The following DPYD variants were observed in gnomAD, a reference collection of about 807,000 sequenced individuals.
DPYD encodes dihydropyrimidine dehydrogenase, also known as dihydropyrimidine dehydrogenase [NADP(+)].
In DPYD, 109 loss-of-function variants were observed where a neutral mutation model predicts 116.2. That is an observed-to-expected ratio of 0.94 (90% confidence interval 0.80 to 1.10). DPYD has a LOEUF of 1.10. DPYD is among the 50% of genes least tolerant of loss of function. DPYD has a pLI of 0.00. For synonymous variants in DPYD, 440 were observed against 432.0 expected (o/e 1.02, Z -0.23); for missense variants, 1,302 against 1,254.5 (o/e 1.04, Z -0.57).
At chr1:97,881,288 A>C (rs1011975623) in intron 2 of DPYD, among the ~76,000 whole-genome samples, 2 of 151,872 alleles carry the variant, frequency 1.3e-5, no homozygotes, top group African/African-American at 4.8e-5. Context: ...AAAGTGAAAA[A>C]CTCAGGGAGA....
chr1:97,887,646 CA>C (rs1672574059), intron 1 of DPYD, among the ~76,000 whole-genome samples: 1 of 151,588 alleles, frequency 6.6e-6, no homozygotes, highest in East Asian at 2.0e-4. Flanking sequence ...TACAGACACA[CA>C]AAAAAAGGAG....
chr1:97,483,572 T>C (rs1014928567), intron 13 of DPYD, among the ~76,000 whole-genome samples: 5 of 152,082 alleles, frequency 3.3e-5, no homozygotes, highest in Non-Finnish European at 7.4e-5. Context: ...GATGGGTTGT[T>C]AGGTGCAGCA....
At chr1:97,089,697 C>CCATGCTAT (rs1649759934) in intron 21 of DPYD, among the ~76,000 whole-genome samples, 1 of 133,106 alleles carries the variant, frequency 7.5e-6, no homozygotes. Flanking sequence ...ATGGTAAATG[C>CCATGCTAT]TATGCTATTA....
intron 2 of DPYD, among the ~76,000 whole-genome samples, chr1:97,834,022 T>A (rs1241810107): frequency 6.6e-6 from 1 of 152,124 alleles, no homozygotes; most frequent in East Asian, 1.9e-4. Context: ...AGCCCATCTA[T>A]GGCCCAACGT....
chr1:97,353,934 C>T (rs1670280530), intron 16 of DPYD, among the ~76,000 whole-genome samples: 1 of 152,206 alleles, frequency 6.6e-6, no homozygotes, highest in African/African-American at 2.4e-5. Context: ...GGAGCACAGG[C>T]TCTTGAGCCA....
chr1:97,606,815 GA>G (rs1259653702), intron 8 of DPYD, among the ~76,000 whole-genome samples: 3 of 151,906 alleles, frequency 2.0e-5, no homozygotes, highest in Non-Finnish European at 2.9e-5. Flanking sequence ...CATAAATCCA[GA>G]TAAGAAAGGA....
intron 11 of DPYD, among the ~76,000 whole-genome samples, chr1:97,566,018 T>A (rs924929250): frequency 3.3e-5 from 5 of 152,150 alleles, no homozygotes; most frequent in African/African-American, 7.2e-5. Flanking sequence ...AACAGTGCGG[T>A]GTTGAGCAAA....
At chr1:97,566,611 G>A (rs932677205) in intron 11 of DPYD, among the ~76,000 whole-genome samples, 1 of 152,032 alleles carries the variant, frequency 6.6e-6, no homozygotes, top group African/African-American at 2.4e-5. Context: ...AAACTTCATT[G>A]TAAATATTTG....
At chr1:97,474,949 G>C (rs1677870753) in intron 13 of DPYD, among the ~76,000 whole-genome samples, 1 of 151,900 alleles carries the variant, frequency 6.6e-6, no homozygotes, top group Non-Finnish European at 1.5e-5. Context: ...AAAGTTGCTA[G>C]AAAAGTTAAG....
intron 21 of DPYD, among the ~76,000 whole-genome samples, chr1:97,086,349 CA>C (rs1649517762): frequency 2.3e-5 from 2 of 85,150 alleles, no homozygotes; most frequent in South Asian, 1.3e-3. Flanking sequence ...GGCGCCTGGC[CA>C]AGTTTTTTTT....
At chr1:97,376,577 C>T (rs754323330) in intron 15 of DPYD, among the ~76,000 whole-genome samples, 5 of 152,068 alleles carry the variant, frequency 3.3e-5, no homozygotes, top group African/African-American at 4.8e-5. Flanking sequence ...AGGATGCACA[C>T]CACCTTAAAA....
chr1:97,698,772 A>G (rs1213395504), intron 6 of DPYD, among the ~76,000 whole-genome samples: 1 of 151,924 alleles, frequency 6.6e-6, no homozygotes, highest in African/African-American at 2.4e-5. Flanking sequence ...TGTGTCCCGT[A>G]TAGAGTTCTG....
intron 3 of DPYD, among the ~76,000 whole-genome samples, chr1:97,790,369 T>C (rs958271722): frequency 6.6e-6 from 1 of 152,202 alleles, no homozygotes. Flanking sequence ...CTCTAATAGT[T>C]ATTTCTTAAA....
At chr1:97,870,898 G>C (rs1389268719) in intron 2 of DPYD, among the ~76,000 whole-genome samples, 1 of 151,846 alleles carries the variant, frequency 6.6e-6, no homozygotes, top group Non-Finnish European at 1.5e-5. Context: ...CCACCGATTA[G>C]TGTTTGAATA....
At position 97,477,775 on chromosome 1, in the gene DPYD, C is replaced by T. The variant is rs536483303; in HGVS notation, c.1741-27552G>A. Among the ~76,000 whole-genome samples the T allele has an allele frequency of 7.2e-5, 11 of 151,788 alleles. No individual in the cohort carries two copies. In the South Asian group the frequency reaches 1.2e-3, roughly 17 times the overall value. On this transcript the variant is annotated intron_variant, in intron 13 of 22. Coordinates refer to ENST00000370192, the MANE Select transcript of DPYD (RefSeq NM_000110.4). ...AGCTGGGACTACAGGCGCCCGCCACCGCGCCCGGCTAATTTTTTGTATTTT... is the reference window on the plus strand; with the variant it reads ...AGCTGGGACTACAGGCGCCCGCCACTGCGCCCGGCTAATTTTTTGTATTTT...
Position 97,344,188 on chromosome 1 carries a change from AAGAGAG to A in DPYD, c.2058+29367_2058+29372del, listed in dbSNP as rs372083791. On this transcript the variant is annotated intron_variant, in intron 16 of 22. Coordinates refer to ENST00000370192, the MANE Select transcript of DPYD (RefSeq NM_000110.4). ...GTCATTATTTCTTAAAAATAAAAAA[AAGAGAG>A]AGAGAGAGAGAGAATCTCGCCAAAA... is the stretch of plus-strand genomic sequence containing the variant. Among the ~76,000 whole-genome samples, 100 of 151,082 alleles carry A rather than the reference AAGAGAG, an allele frequency of 6.6e-4. 1 individual carries two copies. The highest frequency in any genetic ancestry group is 8.3e-4 in the South Asian group (4 of 4,792).
intron 16 of DPYD, among the ~76,000 whole-genome samples, chr1:97,308,096 C>T (rs781522010): frequency 3.0e-4 from 45 of 151,784 alleles, no homozygotes; most frequent in Non-Finnish European, 5.0e-4. Context: ...GCTTTCAATA[C>T]TATTGACCCC....
At chr1:97,789,002 C>T (rs906086716) in intron 3 of DPYD, among the ~76,000 whole-genome samples, 18 of 152,184 alleles carry the variant, frequency 1.2e-4, no homozygotes, top group African/African-American at 4.1e-4. Flanking sequence ...TGGGGTTTCA[C>T]CACGTTACCC....
chr1:97,271,184 C>T (rs1347645758), intron 18 of DPYD, among the ~76,000 whole-genome samples: 2 of 152,186 alleles, frequency 1.3e-5, no homozygotes, highest in South Asian at 4.1e-4. Flanking sequence ...GAACAGTTCC[C>T]TCTGACTGGA....
Sources: gnomAD v4.1 joint callset for allele counts (sites outside exome capture counted in the v4.1 genomes callset) on GRCh38, gnomAD v4.1.1 for gene constraint, MANE v1.5 for transcripts, NCBI Gene and HGNC (gene_info 2026-07-23, HGNC 2026-07-21) for gene names.